Variants in PEAK1 observed in about 807,000 individuals in gnomAD.
The protein encoded by PEAK1 is pseudopodium enriched atypical kinase 1, also known as inactive tyrosine-protein kinase PEAK1.
In PEAK1, 54 loss-of-function variants were observed where a neutral mutation model predicts 124.7. The ratio of observed to expected loss-of-function variants is 0.43; its 90% CI spans 0.35 to 0.54. The LOEUF (loss-of-function observed/expected upper bound fraction) is 0.54. Among genes scored for constraint, PEAK1 ranks in the 20% least tolerant of loss-of-function variants. PEAK1 has a pLI of 0.01. For missense variants in PEAK1, 2,046 were observed against 2,134.5 expected (o/e 0.96, Z 0.82); for synonymous variants, 719 against 760.0 (o/e 0.95, Z 0.89).
intron 1 of PEAK1, among the ~76,000 whole-genome samples, chr15:77,394,742 C>T (rs906639106): frequency 6.6e-6 from 1 of 152,228 alleles, no homozygotes; most frequent in Non-Finnish European, 1.5e-5. Flanking sequence ...CACCCACGGA[C>T]ATCCAGAAGC....
intron 2 of PEAK1, among the ~76,000 whole-genome samples, chr15:77,320,936 T>C (rs113221189): frequency 0.023 from 3,434 of 152,236 alleles, 140 homozygotes; most frequent in African/African-American, 0.078. Context: ...TGCGACACTT[T>C]GCTGAGAATG....
intron 2 of PEAK1, among the ~76,000 whole-genome samples, chr15:77,290,060 C>T (rs563881198): frequency 6.6e-6 from 1 of 152,156 alleles, no homozygotes; most frequent in Admixed American, 6.5e-5. Flanking sequence ...CTCTGCCTCC[C>T]AGGCTCAAGC....
intron 2 of PEAK1, chr15:77,337,077 A>T (rs1318074822): frequency 2.1e-6 from 2 of 953,378 alleles, no homozygotes; most frequent in Non-Finnish European, 2.5e-6. Flanking sequence ...GATAGGAAAA[A>T]GAGAAGACAA....
At chr15:77,420,251 C>T (rs1267123844), upstream of PEAK1, 2 of 150,904 alleles carry the variant, frequency 1.3e-5, no homozygotes, top group Non-Finnish European at 3.0e-5. Context: ...CGCCGCGCTC[C>T]TGGAGCCGTG....
chr15:77,320,016 A>G (rs576543560), intron 2 of PEAK1, among the ~76,000 whole-genome samples: 41 of 152,312 alleles, frequency 2.7e-4, no homozygotes, highest in African/African-American at 9.6e-4. Context: ...CTTGTGCTTT[A>G]AAATTTACTT....
At chr15:77,134,427 C>T (rs1440676625) in intron 8 of PEAK1, among the ~76,000 whole-genome samples, 1 of 152,188 alleles carries the variant, frequency 6.6e-6, no homozygotes, top group East Asian at 1.9e-4. Context: ...TATGAGCAGT[C>T]AACTTCTGTT....
chr15:77,272,583 A>T (rs2062094874), intron 5 of PEAK1, among the ~76,000 whole-genome samples: 3 of 152,174 alleles, frequency 2.0e-5, no homozygotes, highest in African/African-American at 7.2e-5. Flanking sequence ...CTCTGAACAG[A>T]CCAATAACAA....
chr15:77,363,399 T>C (rs559115654), intron 2 of PEAK1, among the ~76,000 whole-genome samples: 10 of 152,212 alleles, frequency 6.6e-5, no homozygotes, highest in Non-Finnish European at 1.5e-4. Flanking sequence ...TAGGCAACTA[T>C]GGAGAGGCCT....
At position 77,113,997 on chromosome 15, in the gene PEAK1, G is replaced by A. The variant is rs1418128297; in HGVS notation, c.*159C>T. ...GACTCAGCTTCTCATTCAATCTGGG[G>A]CAGTGGATAACCTTTCTGAATAGAC... On this transcript the variant is annotated 3_prime_UTR_variant, in exon 10 of 10. Transcript: ENST00000682557. 11 of 714,090 alleles carry A rather than the reference G, an allele frequency of 1.5e-5. No homozygotes were observed. The highest frequency in any genetic ancestry group is 2.5e-5 in the Non-Finnish European group (11 of 431,534). The allele number at this position is 714,090 out of a possible 1,614,324, so 44.2% of individuals were successfully genotyped here. A position where few individuals can be genotyped will look rare whatever the true frequency, so the allele number is the denominator to read the frequency against.
intron 7 of PEAK1, 129 bp from the exon 8 acceptor site, chr15:77,158,825 A>C: frequency 2.5e-6 from 2 of 809,144 alleles, no homozygotes; most frequent in Non-Finnish European, 3.9e-6. Context: ...TTGTCTGAAC[A>C]CAAGGCAGTA....
In PEAK1 at chr15:77,184,778, T is replaced by C. The variant is rs879753612; in HGVS notation, c.-114-2738A>G. On this transcript the variant is annotated intron_variant, in intron 6 of 9. Transcript: ENST00000682557. ...CAGGCATGGTGGTGTATGCCCGTAATCTTAGCTACTCAGGAGGCTGAGGCA... is the reference window on the plus strand; with the variant it reads ...CAGGCATGGTGGTGTATGCCCGTAACCTTAGCTACTCAGGAGGCTGAGGCA... Among the ~76,000 whole-genome samples, 11 of 152,274 alleles carry C rather than the reference T, an allele frequency of 7.2e-5. No individual in the cohort carries two copies. The East Asian group carries it at 2.1e-3, about 29-fold the overall frequency.
chr15:77,373,590 C>T (rs2068795370), intron 1 of PEAK1, among the ~76,000 whole-genome samples: 1 of 152,192 alleles, frequency 6.6e-6, no homozygotes, highest in African/African-American at 2.4e-5. Flanking sequence ...GGCCCAGTCT[C>T]CCCACCACCA....
intron 5 of PEAK1, among the ~76,000 whole-genome samples, chr15:77,279,685 T>G (rs1234798414): frequency 6.6e-6 from 1 of 152,182 alleles, no homozygotes; most frequent in Non-Finnish European, 1.5e-5. Flanking sequence ...AAGACTTCAC[T>G]GGGTTTATAG....
intron 5 of PEAK1, among the ~76,000 whole-genome samples, chr15:77,280,492 T>C (rs962038116): frequency 9.2e-5 from 14 of 152,088 alleles, no homozygotes; most frequent in Admixed American, 9.2e-4. Context: ...ACCACCTATA[T>C]AACACTTGAG....
Position 77,181,480 on chromosome 15 carries a change from T to C in PEAK1, c.447A>G (p.Leu149=). The C allele has an allele frequency of 6.2e-7, 1 of 1,614,184 alleles. No homozygotes were observed. The highest frequency in any genetic ancestry group is 8.5e-7 in the Non-Finnish European group (1 of 1,180,024). ...AKKMSDNNNG[L]TEVLKEIAGL... ...CTGCTATCTCCTTTAACACTTCAGT[T>C]AGTCCATTATTGTTATCTGACATCT... The change falls in exon 7 of 10, where the codon CTA becomes CTG. Residue 149 remains leucine, a synonymous_variant. Transcript: ENST00000682557.
intron 5 of PEAK1, among the ~76,000 whole-genome samples, chr15:77,257,904 A>G (rs553455957): frequency 3.7e-4 from 57 of 152,260 alleles, no homozygotes; most frequent in African/African-American, 1.2e-3. Context: ...TGATTTTTGT[A>G]TAAGGTGTAA....
At chr15:77,311,911 A>C (rs1231223655) in intron 2 of PEAK1, among the ~76,000 whole-genome samples, 1 of 152,080 alleles carries the variant, frequency 6.6e-6, no homozygotes, top group Non-Finnish European at 1.5e-5. Flanking sequence ...ATTTTACTGA[A>C]GAGAAAAACA....
chr15:77,329,024 C>G (rs927720364), intron 2 of PEAK1, among the ~76,000 whole-genome samples: 1 of 152,082 alleles, frequency 6.6e-6, no homozygotes, highest in African/African-American at 2.4e-5. Flanking sequence ...TCGTTAGAAT[C>G]TACAGTCTAA....
At chr15:77,200,415 G>A (rs2058307533) in intron 6 of PEAK1, among the ~76,000 whole-genome samples, 2 of 152,128 alleles carry the variant, frequency 1.3e-5, no homozygotes, top group African/African-American at 4.8e-5. Flanking sequence ...TGTGGGGTCA[G>A]CATCCCAACC....
Sources: allele counts gnomAD v4.1 joint callset (sites outside exome capture counted in the v4.1 genomes callset), GRCh38; gene constraint gnomAD v4.1.1; transcripts MANE v1.5; gene names NCBI Gene and HGNC (gene_info 2026-07-23, HGNC 2026-07-21).